EP400: variants seen among roughly 807,000 people sequenced by gnomAD.
EP400 encodes the protein E1A binding protein p400.
A neutral mutation model predicts 354.1 loss-of-function variants in EP400; 105 were observed. The observed-to-expected ratio is 0.30, with a 90% CI of 0.25 to 0.35. The LOEUF (loss-of-function observed/expected upper bound fraction) is 0.35, where lower values mean the gene tolerates loss of function less well. Among genes scored for constraint, EP400 ranks in the 10% least tolerant of loss-of-function variants. The pLI is 1.00. For synonymous variants in EP400, 1,646 were observed against 1,716.9 expected (o/e 0.96, Z 1.02); for missense variants, 3,280 against 4,121.0 (o/e 0.80, Z 5.59).
At position 132,029,432 on chromosome 12, in the gene EP400, G is replaced by C. The variant is rs1442998731; in HGVS notation, c.5382-269G>C. On this transcript the variant is annotated intron_variant, in intron 27 of 52. Transcript: ENST00000389561. This position sits in a 1 kb window ranked among gnomAD's most constrained non-coding sequence, Gnocchi z 4.7. ...GGCTTATCTCTGACCTGGTGCCTGC[G>C]GCCTAGGGAATCCACCCCCATTGAT... 1 of 524,910 alleles carries C rather than the reference G, an allele frequency of 1.9e-6. No homozygotes were observed. The allele number at this position is 524,910 out of a possible 1,614,324, so 32.5% of individuals were successfully genotyped here.
intron 47 of EP400, among the ~76,000 whole-genome samples, chr12:132,063,111 A>G (rs1735660126): frequency 6.6e-6 from 1 of 152,194 alleles, no homozygotes; most frequent in African/African-American, 2.4e-5. Context: ...GATGTGGTTC[A>G]CGTGCGGTAC....
At position 131,952,924 on chromosome 12, in the gene EP400, A is replaced by C. The variant is rs550002934; in HGVS notation, c.-36+2888A>C. On this transcript the variant is annotated intron_variant, in intron 1 of 52. Coordinates refer to ENST00000389561, the MANE Select transcript of EP400 (RefSeq NM_015409.5). ...AGATATCCAAACAACACAGAAATAC[A>C]TAGAGCTCGTTAAGAGTTCCTTTGC... is the stretch of plus-strand genomic sequence containing the variant. Among the ~76,000 whole-genome samples the C allele has an allele frequency of 5.7e-4, 87 of 152,266 alleles. No individual in the cohort carries two copies. In the South Asian group the frequency reaches 7.9e-3, roughly 14 times the overall value.
intron 24 of EP400, among the ~76,000 whole-genome samples, chr12:132,024,535 G>C (rs1894232246): frequency 6.6e-6 from 1 of 152,172 alleles, no homozygotes; most frequent in Non-Finnish European, 1.5e-5. Flanking sequence ...CAGACCTTTG[G>C]TGAAGAGCAG....
intron 10 of EP400, 21 bp from the exon 11 acceptor site, chr12:131,992,152 T>G: frequency 6.2e-7 from 1 of 1,603,388 alleles, no homozygotes; most frequent in Non-Finnish European, 8.5e-7. Flanking sequence ...ATGCTTGTGG[T>G]TTTTCTTTCT....
intron 1 of EP400, among the ~76,000 whole-genome samples, chr12:131,952,160 G>A (rs964306128): frequency 6.6e-6 from 1 of 150,904 alleles, no homozygotes; most frequent in Non-Finnish European, 1.5e-5. Flanking sequence ...AAAATTAATC[G>A]GGCGTGGTGG....
rs1409651408 is a variant in EP400, at chr12:132,011,478, T to A, written c.3305-20T>A. ...ATGACAGATACTTTGACGTGGAAAA[T>A]TCTGTTTTTTGCTTTGTAGGTAATT... On this transcript the variant is annotated intron_variant, in intron 15 of 52. Coordinates refer to ENST00000389561, the MANE Select transcript of EP400 (RefSeq NM_015409.5). 1.9e-6 allele frequency: 3 copies of A among 1,611,160 alleles called. No homozygotes were observed. The highest frequency in any genetic ancestry group is 2.5e-6 in the Non-Finnish European group (3 of 1,179,100).
At position 132,064,745 on chromosome 12, in the gene EP400, C is replaced by T. The variant is rs748709187; in HGVS notation, c.8412C>T (p.Pro2804=). 25 of 1,613,620 alleles carry T rather than the reference C, an allele frequency of 1.5e-5. No homozygotes were observed. Among genetic ancestry groups the T allele is most frequent in the South Asian group, 6.6e-5 (6 of 91,078 alleles). ...CACCGCCACAGGCCCAGTCTGCGCC[C>T]CCGCAGCCAACAGCCCAAGTGCAAG... ...QPPPPQAQSA[P]PQPTAQVQVQ... is the part of the protein sequence containing the mutation. The change falls in exon 48 of 53, where the codon CCC becomes CCT. Residue 2804 remains proline, a synonymous_variant. Transcript: ENST00000389561.
chr12:131,979,830 C>G, intron 3 of EP400, 37 bp downstream of exon 3: 1 of 1,541,706 alleles, frequency 6.5e-7, no homozygotes, highest in East Asian at 2.3e-5. Flanking sequence ...CGGGAATGCC[C>G]CCCTCTCCTT....
intron 12 of EP400, among the ~76,000 whole-genome samples, chr12:132,004,839 A>G (rs374397005): frequency 6.6e-6 from 1 of 152,160 alleles, no homozygotes. Context: ...TCCCCCAACA[A>G]AATATTTTAC....
At position 132,050,196 on chromosome 12, in the gene EP400, G is replaced by A. The variant is rs948363664; in HGVS notation, c.7201-127G>A. Reference sequence around the variant, plus strand: ...GCCTGAACTTGGAAAGAAGGCCCAGGAAAAGGAAGTTTGTGTTCAGCCATG... The same window carrying A: ...GCCTGAACTTGGAAAGAAGGCCCAGAAAAAGGAAGTTTGTGTTCAGCCATG... On this transcript the variant is annotated intron_variant, in intron 39 of 52. Transcript: ENST00000389561. The surrounding 1 kb of genome is among the most constrained non-coding windows in gnomAD (Gnocchi z 4.8). 14 of 1,214,468 alleles carry A rather than the reference G, an allele frequency of 1.2e-5. No homozygotes were observed. The highest frequency in any genetic ancestry group is 1.5e-5 in the Non-Finnish European group (13 of 871,570). The allele number at this position is 1,214,468 out of a possible 1,614,324, so 75.2% of individuals were successfully genotyped here.
rs546919479 is a variant in EP400 at position 131,992,062 on chromosome 12, A to G, written c.2680-111A>G. On this transcript the variant is annotated intron_variant, in intron 10 of 52. Transcript: ENST00000389561. ...CCCAAATGGAGGCTGAGGGCAGCCT[A>G]GCAGGCTTGCCCCGGGGCTCCCCCA... is the stretch of plus-strand genomic sequence containing the variant. 2.5e-4 allele frequency: 275 copies of G among 1,116,082 alleles called. 4 individuals carry two copies. In the South Asian group the frequency reaches 3.2e-3, roughly 13 times the overall value. The allele number at this position is 1,116,082 out of a possible 1,614,324, so 69.1% of individuals were successfully genotyped here. A position where few individuals can be genotyped will look rare whatever the true frequency, so the allele number is the denominator to read the frequency against.
Position 132,029,560 on chromosome 12 carries a change from A to G in EP400, c.5382-141A>G. On this transcript the variant is annotated intron_variant, in intron 27 of 52. Coordinates refer to ENST00000389561, the MANE Select transcript of EP400 (RefSeq NM_015409.5). This position sits in a 1 kb window ranked among gnomAD's most constrained non-coding sequence, Gnocchi z 4.7. ...GGCCCCTGCCCGTGTGCCAACACCCACATCCCCATGTGACTGGGTTGAGCC... is the reference window on the plus strand; with the variant it reads ...GGCCCCTGCCCGTGTGCCAACACCCGCATCCCCATGTGACTGGGTTGAGCC... The G allele has an allele frequency of 1.1e-6, 1 of 927,172 alleles. No individual in the cohort carries two copies. Among genetic ancestry groups the G allele is most frequent in the Non-Finnish European group, 1.6e-6 (1 of 612,376 alleles). The allele number at this position is 927,172 out of a possible 1,614,324, so 57.4% of individuals were successfully genotyped here. A position where few individuals can be genotyped will look rare whatever the true frequency, so the allele number is the denominator to read the frequency against.
chr12:132,033,501 G>T (rs1201481498), intron 30 of EP400, among the ~76,000 whole-genome samples: 1 of 151,806 alleles, frequency 6.6e-6, no homozygotes, highest in African/African-American at 2.4e-5. Context: ...CTCCTAGGTG[G>T]TAGCTGACCC....
chr12:131,965,833 A>G (rs188772464), intron 2 of EP400, among the ~76,000 whole-genome samples: 9 of 152,272 alleles, frequency 5.9e-5, no homozygotes, highest in Admixed American at 2.0e-4. Context: ...CCATTGTGTG[A>G]ATGTGCCCCA....
intron 30 of EP400, among the ~76,000 whole-genome samples, chr12:132,033,540 C>T (rs561447075): frequency 1.3e-5 from 2 of 151,080 alleles, no homozygotes; most frequent in Non-Finnish European, 3.0e-5. Flanking sequence ...GTGCTTTAAC[C>T]TCTTTTTTTT....
At chr12:132,069,932 C>A (rs1449296479) in intron 51 of EP400, among the ~76,000 whole-genome samples, 1 of 152,202 alleles carries the variant, frequency 6.6e-6, no homozygotes, top group African/African-American at 2.4e-5. Flanking sequence ...CCTCTTCTCC[C>A]TTCCTGGTGT....
chr12:132,059,101 G>A (rs1895607493), intron 45 of EP400, among the ~76,000 whole-genome samples: 1 of 152,148 alleles, frequency 6.6e-6, no homozygotes, highest in Non-Finnish European at 1.5e-5. Flanking sequence ...CTAAGGGAGG[G>A]AAGAAACTCA....
chr12:131,997,663 CTATT>C (rs781199859), intron 12 of EP400, among the ~76,000 whole-genome samples: 14 of 150,892 alleles, frequency 9.3e-5, no homozygotes, highest in Middle Eastern at 6.8e-3. Context: ...AATACATTTA[CTATT>C]TATTAAGTGG....
Position 132,043,397 on chromosome 12 carries a change from T to G in EP400, c.6301T>G (p.Ser2101Ala), listed in dbSNP as rs1565926556. The change falls in exon 33 of 53, where the codon TCT becomes GCT. Residue 2101 changes from serine to alanine, a missense_variant. Ser to Ala is a moderately conservative substitution (Grantham distance 99, BLOSUM62 1). This residue lies in a region of EP400 where 54 missense variants were observed against 41.3 expected (regional missense o/e 1.31). Coordinates refer to ENST00000389561, the MANE Select transcript of EP400 (RefSeq NM_015409.5). ...ACACACTGATGCTCTGTCATCAGACTCTGAGAACATGCCGTGTGATGAAGA... is the reference window on the plus strand; with the variant it reads ...ACACACTGATGCTCTGTCATCAGACGCTGAGAACATGCCGTGTGATGAAGA... ...GPHTDALSSD[S>A]ENMPCDEEPS... 2 of 1,613,856 alleles carry G rather than the reference T, an allele frequency of 1.2e-6. No homozygotes were observed. Among genetic ancestry groups the G allele is most frequent in the Non-Finnish European group, 1.7e-6 (2 of 1,180,032 alleles).
Sources: gnomAD v4.1 joint callset for allele counts (sites outside exome capture counted in the v4.1 genomes callset) on GRCh38, gnomAD v4.1.1 for gene constraint, gnomAD v4.1.1 regional missense constraint, Gnocchi (gnomAD v3.1) non-coding constraint, MANE v1.5 for transcripts, NCBI Gene and HGNC (gene_info 2026-07-23, HGNC 2026-07-21) for gene names.